Variants in PDE5A observed in about 807,000 individuals in gnomAD.
PDE5A encodes the protein phosphodiesterase 5A.
PDE5A carries 67 observed loss-of-function variants against 110.2 expected under a neutral mutation model. That is an observed-to-expected ratio of 0.61 (90% confidence interval 0.50 to 0.75). The LOEUF is 0.75. PDE5A is among the 30% of genes least tolerant of loss of function. PDE5A has a pLI of 0.00. For missense variants in PDE5A, 862 were observed against 1,045.1 expected (o/e 0.82, Z 2.42); for synonymous variants, 328 against 351.2 (o/e 0.93, Z 0.74).
chr4:119,603,371 A>G (rs1729410552), intron 2 of PDE5A, among the ~76,000 whole-genome samples: 1 of 91,552 alleles, frequency 1.1e-5, no homozygotes, highest in African/African-American at 3.8e-5. Flanking sequence ...TCTGGCTTAA[A>G]ATAAATACAT....
chr4:119,607,662 A>T (rs13118388), intron 1 of PDE5A, among the ~76,000 whole-genome samples: 9 of 152,070 alleles, frequency 5.9e-5, no homozygotes, highest in African/African-American at 1.9e-4. Context: ...GCTTGAGCCC[A>T]GGAGTTCGAG....
At chr4:119,581,034 A>G (rs1332621952) in intron 3 of PDE5A, among the ~76,000 whole-genome samples, 1 of 152,188 alleles carries the variant, frequency 6.6e-6, no homozygotes, top group Non-Finnish European at 1.5e-5. Context: ...TTGGATTTGG[A>G]GTCTGTTAAA....
At chr4:119,513,314 G>C (rs1725811241) in intron 14 of PDE5A, among the ~76,000 whole-genome samples, 2 of 152,032 alleles carry the variant, frequency 1.3e-5, no homozygotes, top group Non-Finnish European at 2.9e-5. Context: ...AAAGACCTAG[G>C]GACAACTGCC....
At chr4:119,511,025 C>T (rs1405136199) in intron 15 of PDE5A, 22 bp downstream of exon 15, 2 of 1,311,160 alleles carry the variant, frequency 1.5e-6, no homozygotes, top group Non-Finnish European at 2.1e-6. Flanking sequence ...TAAAATTCCA[C>T]AACAATAAAT....
At chr4:119,602,009 T>C (rs116388342) in intron 2 of PDE5A, among the ~76,000 whole-genome samples, 1 of 152,126 alleles carries the variant, frequency 6.6e-6, no homozygotes, top group African/African-American at 2.4e-5. Flanking sequence ...ATGTGCAATA[T>C]GGGATCCTGA....
intron 3 of PDE5A, among the ~76,000 whole-genome samples, chr4:119,581,190 A>T (rs534346889): frequency 2.6e-5 from 4 of 152,360 alleles, no homozygotes; most frequent in Non-Finnish European, 5.9e-5. Context: ...CAAACATAAA[A>T]GAAGTAACAC....
In PDE5A at chr4:119,606,926, T is replaced by C. The variant is rs746404938; in HGVS notation, c.524A>G (p.His175Arg). The C allele has an allele frequency of 6.2e-7, 1 of 1,614,256 alleles. No homozygotes were observed. The highest frequency in any genetic ancestry group is 1.1e-5 in the South Asian group (1 of 91,084). ...VTALCHKIFL[H>R]IHGLISADRY... ...GTCAGCAGATATCAGTCCATGGATA[T>C]GCAAGAAAATTTTGTGACATAAGGC... is the stretch of plus-strand genomic sequence containing the variant. The change falls in exon 2 of 21, where the codon CAT (histidine) becomes CGT (arginine). Residue 175 changes from histidine (H) to arginine (R), a missense_variant. By Grantham distance (29) the His-to-Arg change is conservative (BLOSUM62 0). Transcript: ENST00000354960.
intron 12 of PDE5A, among the ~76,000 whole-genome samples, chr4:119,522,949 C>A (rs544194784): frequency 6.6e-6 from 1 of 151,592 alleles, no homozygotes; most frequent in African/African-American, 2.4e-5. Flanking sequence ...AAGATGCCAC[C>A]GGAGAAAAAG....
At chr4:119,528,807 C>T (rs1424907136) in intron 11 of PDE5A, 1 of 152,200 alleles carries the variant, frequency 6.6e-6, no homozygotes, top group Non-Finnish European at 1.5e-5. Flanking sequence ...GCATCTAGAT[C>T]TTGCCAGTGA....
chr4:119,579,214 A>G (rs1293935790), intron 3 of PDE5A, among the ~76,000 whole-genome samples: 2 of 152,220 alleles, frequency 1.3e-5, no homozygotes, highest in African/African-American at 4.8e-5. Context: ...GATGTGGAGA[A>G]ATAGGAACAC....
At chr4:119,499,127 G>A in intron 20 of PDE5A, among the ~76,000 whole-genome samples, 1 of 152,270 alleles carries the variant, frequency 6.6e-6, no homozygotes, top group East Asian at 1.9e-4. Context: ...TTCATACAAT[G>A]TACTTAAATA....
Position 119,494,970 on chromosome 4 carries a change from G to A in PDE5A, c.*3631C>T, listed in dbSNP as rs1388228787. On this transcript the variant is annotated 3_prime_UTR_variant, in exon 21 of 21. Coordinates refer to ENST00000354960, the MANE Select transcript of PDE5A (RefSeq NM_001083.4). The stretch of plus-strand genomic sequence containing the variant: ...CAATTTAACAGTCCAGAAGAACTGT[G>A]TAATCTTTACCTGGCTAGCACATGG... The A allele has an allele frequency of 1.3e-5, 2 of 152,482 alleles. No individual in the cohort carries two copies. The highest frequency in any genetic ancestry group is 6.6e-5 in the Admixed American group (1 of 15,244). 9.4% of individuals were successfully genotyped at this position (152,482 alleles called of 1,614,324 possible).
intron 9 of PDE5A, among the ~76,000 whole-genome samples, chr4:119,547,559 T>C (rs1437737610): frequency 6.6e-6 from 1 of 151,976 alleles, no homozygotes; most frequent in Non-Finnish European, 1.5e-5. Context: ...TATTTCTTAA[T>C]AATAATAAAA....
chr4:119,562,693 CTGA>C, intron 6 of PDE5A, 137 bp downstream of exon 6: 2 of 565,672 alleles, frequency 3.5e-6, no homozygotes, highest in Non-Finnish European at 5.8e-6. Context: ...AGCTCATACC[CTGA>C]TTAGTTTTAT....
At chr4:119,555,820 C>T (rs1205796893) in intron 7 of PDE5A, among the ~76,000 whole-genome samples, 1 of 152,038 alleles carries the variant, frequency 6.6e-6, no homozygotes, top group Admixed American at 6.6e-5. Context: ...TATTTAACTC[C>T]TTGAAATTTT....
chr4:119,599,506 C>T (rs1416319770), intron 2 of PDE5A, among the ~76,000 whole-genome samples: 10 of 151,660 alleles, frequency 6.6e-5, no homozygotes, highest in Admixed American at 6.6e-4. Flanking sequence ...TTAAAATAGT[C>T]AAATGAAAAT....
At chr4:119,503,694 C>T (rs1725453443) in intron 18 of PDE5A, among the ~76,000 whole-genome samples, 1 of 152,072 alleles carries the variant, frequency 6.6e-6, no homozygotes, top group Non-Finnish European at 1.5e-5. Context: ...TGTCAGTACT[C>T]AAAATGCTTT....
At chr4:119,560,150 C>T (rs746043134) in intron 7 of PDE5A, 146 bp downstream of exon 7, 4 of 500,074 alleles carry the variant, frequency 8.0e-6, no homozygotes, top group South Asian at 3.4e-5. Flanking sequence ...TGATGGAGGA[C>T]GACTTAGGAC....
chr4:119,627,254 G>C lies in PDE5A; in HGVS notation c.152+1266C>G. 6.3e-7 allele frequency: 1 copy of C among 1,581,602 alleles called. No individual in the cohort carries two copies. Among genetic ancestry groups the C allele is most frequent in the South Asian group, 1.1e-5 (1 of 87,902 alleles). ...CTCCGTAGGGGCAACAACGCGCGCA[G>C]GTGAGGTGAGGTGAGGTCGGCGACT... On this transcript the variant is annotated intron_variant, in intron 1 of 20. Coordinates refer to ENST00000354960, the MANE Select transcript of PDE5A (RefSeq NM_001083.4). The surrounding 1 kb of genome is among the most constrained non-coding windows in gnomAD (Gnocchi z 4.6).
Sources: allele counts gnomAD v4.1 joint callset (sites outside exome capture counted in the v4.1 genomes callset), GRCh38; gene constraint gnomAD v4.1.1; non-coding constraint Gnocchi (gnomAD v3.1); transcripts MANE v1.5; gene names NCBI Gene and HGNC (gene_info 2026-07-23, HGNC 2026-07-21).